Variants in TBCK observed in about 807,000 individuals in gnomAD.
TBCK encodes the protein TBC domain-containing protein kinase-like protein.
A neutral mutation model predicts 113.4 loss-of-function variants in TBCK; 99 were observed. That is an observed-to-expected ratio of 0.87 (90% confidence interval 0.74 to 1.03). The LOEUF is 1.03. Ranked by LOEUF, TBCK falls within the 50% of genes least tolerant of loss-of-function variation. The probability of loss-of-function intolerance (pLI) is 0.00; values close to 1 mark genes in which losing one functional copy is unlikely to be tolerated. For missense variants in TBCK, 1,045 were observed against 1,061.3 expected, an observed-to-expected ratio of 0.98 and a Z score of 0.21; for synonymous variants, 369 against 370.8, an observed-to-expected ratio of 1.00 and a Z score of 0.05.
intron 24 of TBCK, among the ~76,000 whole-genome samples, chr4:106,105,544 A>G (rs968583410): frequency 6.6e-6 from 1 of 152,236 alleles, no homozygotes; most frequent in African/African-American, 2.4e-5. Flanking sequence ...TGCAACTATG[A>G]GGAAACATAA....
At chr4:106,120,329 T>G (rs905427347) in intron 23 of TBCK, among the ~76,000 whole-genome samples, 7 of 151,954 alleles carry the variant, frequency 4.6e-5, no homozygotes, top group Non-Finnish European at 7.4e-5. Flanking sequence ...CCACAGAGTC[T>G]CGCTGATTGC....
chr4:106,265,734 A>C (rs1335410803), intron 3 of TBCK, among the ~76,000 whole-genome samples: 1 of 151,732 alleles, frequency 6.6e-6, no homozygotes, highest in African/African-American at 2.4e-5. Flanking sequence ...TATTATCTTC[A>C]TTTCCTCTAT....
intron 3 of TBCK, among the ~76,000 whole-genome samples, chr4:106,293,356 G>C (rs571922816): frequency 2.6e-5 from 4 of 152,284 alleles, no homozygotes; most frequent in African/African-American, 9.6e-5. Flanking sequence ...GGGTGTCACT[G>C]TCTCCCATCA....
chr4:106,280,205 T>A (rs75055072), intron 3 of TBCK, among the ~76,000 whole-genome samples: 21,485 of 152,186 alleles, frequency 0.14, 1,712 homozygotes, highest in South Asian at 0.25. Flanking sequence ...CCCCTTTTCA[T>A]AAGCCTGTGT....
At chr4:106,120,745 A>G (rs1237500447) in intron 23 of TBCK, among the ~76,000 whole-genome samples, 1 of 152,230 alleles carries the variant, frequency 6.6e-6, no homozygotes, top group Non-Finnish European at 1.5e-5. Flanking sequence ...ACAGACCTGT[A>G]GCTGAGGGTC....
intron 3 of TBCK, among the ~76,000 whole-genome samples, chr4:106,268,740 T>C (rs933785495): frequency 6.6e-6 from 1 of 152,102 alleles, no homozygotes; most frequent in Non-Finnish European, 1.5e-5. Flanking sequence ...GACTAAATTG[T>C]TGAGAGAGAT....
chr4:106,146,954 C>T (rs1261585058), intron 23 of TBCK, among the ~76,000 whole-genome samples: 1 of 152,222 alleles, frequency 6.6e-6, no homozygotes, highest in Non-Finnish European at 1.5e-5. Context: ...ATCATTCCAA[C>T]AATGCTCACA....
At chr4:106,132,507 G>A (rs954876195) in intron 23 of TBCK, among the ~76,000 whole-genome samples, 3 of 152,236 alleles carry the variant, frequency 2.0e-5, no homozygotes, top group Admixed American at 6.5e-5. Flanking sequence ...ACACCTGGAC[G>A]TCCATGCAAA....
rs10009666 is a variant in TBCK at position 106,300,871 on chromosome 4, C to T, written c.194-5705G>A. Among the ~76,000 whole-genome samples the T allele has an allele frequency of 6.7e-3, 1,017 of 152,200 alleles. 11 individuals carry two copies. Among genetic ancestry groups the T allele is most frequent in the African/African-American group, 0.023 (963 of 41,506 alleles). On this transcript the variant is annotated intron_variant, in intron 2 of 25. Coordinates refer to ENST00000394708, the MANE Select transcript of TBCK (RefSeq NM_001163435.3). ...ATCCCAGCTACATGAGAGGCTGAGA[C>T]GGGAGGATCACTTTAAGCCAGGAGT...
intron 25 of TBCK, among the ~76,000 whole-genome samples, chr4:106,061,919 C>T (rs1425866838): frequency 1.3e-5 from 2 of 151,640 alleles, no homozygotes; most frequent in Admixed American, 1.3e-4. Context: ...TTACCAGTGA[C>T]TCTTAATGTA....
chr4:106,074,345 CATAAG>C (rs946388249), intron 25 of TBCK, among the ~76,000 whole-genome samples: 4 of 152,214 alleles, frequency 2.6e-5, no homozygotes, highest in African/African-American at 9.6e-5. Context: ...TATCATCATA[CATAAG>C]ATAAAATAGT....
intron 19 of TBCK, among the ~76,000 whole-genome samples, chr4:106,216,159 T>A (rs1756885850): frequency 1.3e-5 from 2 of 151,912 alleles, no homozygotes; most frequent in Admixed American, 1.3e-4. Flanking sequence ...AGATGTTCTT[T>A]GAAACCAACG....
chr4:106,234,404 CTTCAAACAGAGGA>C (rs1228941335), intron 15 of TBCK, among the ~76,000 whole-genome samples: 1 of 152,072 alleles, frequency 6.6e-6, no homozygotes, highest in Non-Finnish European at 1.5e-5. Context: ...AAAGGAAATT[CTTCAAACAGAGGA>C]TTGAAAAGGA....
chr4:106,095,462 A>G lies in TBCK; in HGVS notation c.2571+20T>C. The stretch of plus-strand genomic sequence containing the variant: ...AAATCACTCATCATATGTACATATG[A>G]CATTTCTGAATATACTTACCTCAGC... On this transcript the variant is annotated intron_variant, in intron 25 of 25. Coordinates refer to ENST00000394708, the MANE Select transcript of TBCK (RefSeq NM_001163435.3). The G allele has an allele frequency of 6.2e-7, 1 of 1,609,206 alleles. No homozygotes were observed. Among genetic ancestry groups the G allele is most frequent in the Non-Finnish European group, 8.5e-7 (1 of 1,177,460 alleles).
intron 1 of TBCK, among the ~76,000 whole-genome samples, chr4:106,315,320 A>G (rs1768684388): frequency 6.6e-6 from 1 of 152,228 alleles, no homozygotes; most frequent in African/African-American, 2.4e-5. Flanking sequence ...TTAGAGTTTT[A>G]AACGACTCGA....
intron 2 of TBCK, among the ~76,000 whole-genome samples, chr4:106,308,527 G>T (rs1159235677): frequency 1.3e-5 from 2 of 152,158 alleles, no homozygotes; most frequent in Non-Finnish European, 2.9e-5. Flanking sequence ...ACTAGATCAA[G>T]GACTAGATGA....
chr4:106,222,467 T>C (rs1009510888), intron 19 of TBCK, among the ~76,000 whole-genome samples: 18 of 152,168 alleles, frequency 1.2e-4, no homozygotes, highest in Non-Finnish European at 2.4e-4. Context: ...CATATAGGTA[T>C]CCTTATTTTT....
At chr4:106,144,183 T>G (rs1404217585) in intron 23 of TBCK, among the ~76,000 whole-genome samples, 1 of 152,210 alleles carries the variant, frequency 6.6e-6, no homozygotes, top group Non-Finnish European at 1.5e-5. Context: ...CTTTACTTTC[T>G]GGTGTTTGAA....
chr4:106,237,527 G>C, intron 12 of TBCK: 1 of 455,916 alleles, frequency 2.2e-6, no homozygotes, highest in Non-Finnish European at 4.4e-6. Flanking sequence ...CTTGAAGGCA[G>C]AATGTCTGCT....
Sources: gnomAD v4.1 joint callset for allele counts (sites outside exome capture counted in the v4.1 genomes callset) on GRCh38, gnomAD v4.1.1 for gene constraint, MANE v1.5 for transcripts, NCBI Gene and HGNC (gene_info 2026-07-23, HGNC 2026-07-21) for gene names.